Variants in ANKFN1 observed in about 807,000 individuals in gnomAD.
ANKFN1 encodes the protein ankyrin repeat and fibronectin type III domain containing 1, also known as ankyrin repeat and fibronectin type-III domain-containing protein 1.
ANKFN1 carries 74 observed loss-of-function variants against 108.7 expected under a neutral mutation model. That is an observed-to-expected ratio of 0.68 (90% confidence interval 0.56 to 0.83). The LOEUF (loss-of-function observed/expected upper bound fraction) is 0.83, where lower values mean the gene tolerates loss of function less well. ANKFN1 is among the 40% of genes least tolerant of loss of function. The pLI is 0.00. For missense variants in ANKFN1, 1,505 were observed against 1,382.3 expected (o/e 1.09, Z -1.41); for synonymous variants, 547 against 516.2 (o/e 1.06, Z -0.81).
intron 3 of ANKFN1, among the ~76,000 whole-genome samples, chr17:56,301,948 C>A (rs1235379576): frequency 6.6e-6 from 1 of 152,206 alleles, no homozygotes; most frequent in Non-Finnish European, 1.5e-5. Flanking sequence ...GATCAGAAAT[C>A]TACCACTCTT....
intron 3 of ANKFN1, among the ~76,000 whole-genome samples, chr17:56,324,940 CA>C (rs2045474147): frequency 1.3e-5 from 2 of 152,144 alleles, no homozygotes; most frequent in African/African-American, 2.4e-5. Flanking sequence ...AGCGAGCTAT[CA>C]GGGGGAGATA....
intron 4 of ANKFN1, among the ~76,000 whole-genome samples, chr17:56,338,525 C>T (rs980589501): frequency 6.6e-6 from 1 of 152,008 alleles, no homozygotes; most frequent in Non-Finnish European, 1.5e-5. Context: ...TAATAAGGAA[C>T]GCTCTCTTAA....
intron 1 of ANKFN1, among the ~76,000 whole-genome samples, chr17:56,192,310 C>G (rs1405720085): frequency 1.5e-5 from 2 of 130,376 alleles, no homozygotes. Flanking sequence ...AGAAGAAAAC[C>G]TAGGCATTAC....
rs1904730673 is a variant in ANKFN1 at position 56,049,147 on chromosome 17, CT to C, written c.288+2825del. On this transcript the variant is annotated intron_variant, in intron 4 of 12. Coordinates refer to the ANKFN1 transcript ENST00000635860. ...TCAAGTGTTCTTTTATTTTCTCCTC[CT>C]TTGTGTCTTATCCATTTGGAGATTA... is the stretch of plus-strand genomic sequence containing the variant. Among the ~76,000 whole-genome samples, 8 of 152,266 alleles carry C rather than the reference CT, an allele frequency of 5.3e-5. No individual in the cohort carries two copies. The South Asian group carries it at 1.7e-3, about 32-fold the overall frequency.
At chr17:56,124,649 G>A (rs942739264) in intron 4 of ANKFN1, among the ~76,000 whole-genome samples, 5 of 152,220 alleles carry the variant, frequency 3.3e-5, no homozygotes, top group East Asian at 1.9e-4. Context: ...TCAGACGCTC[G>A]GAACAACTCT....
chr17:56,111,617 A>T (rs919050226), intron 4 of ANKFN1, among the ~76,000 whole-genome samples: 1 of 151,998 alleles, frequency 6.6e-6, no homozygotes, highest in African/African-American at 2.4e-5. Flanking sequence ...ATACAAACAA[A>T]CCCCCAAAAT....
chr17:56,148,180 C>T (rs1390852009), intron 4 of ANKFN1, among the ~76,000 whole-genome samples: 1 of 152,178 alleles, frequency 6.6e-6, no homozygotes, highest in African/African-American at 2.4e-5. Flanking sequence ...TAGCAGTTAG[C>T]ATTAGAGGAC....
upstream of ANKFN1, among the ~76,000 whole-genome samples, chr17:56,149,516 G>A (rs991656261): frequency 1.3e-5 from 2 of 152,192 alleles, no homozygotes; most frequent in Non-Finnish European, 2.9e-5. Context: ...GGCCAGCATT[G>A]TTTCCTCCTC....
chr17:56,322,624 G>A (rs1476641430), intron 3 of ANKFN1, among the ~76,000 whole-genome samples: 2 of 152,090 alleles, frequency 1.3e-5, no homozygotes, highest in Admixed American at 6.6e-5. Context: ...TAACAGCCCC[G>A]GAACTCTATG....
chr17:56,079,968 G>A (rs556328009), intron 4 of ANKFN1, among the ~76,000 whole-genome samples: 136 of 152,222 alleles, frequency 8.9e-4, no homozygotes, highest in Non-Finnish European at 1.5e-3. Flanking sequence ...TAACTCAGAG[G>A]AAAGGAACAG....
At chr17:56,356,203 A>G (rs1196759430) in intron 6 of ANKFN1, among the ~76,000 whole-genome samples, 1 of 152,106 alleles carries the variant, frequency 6.6e-6, no homozygotes, top group African/African-American at 2.4e-5. Context: ...CACTTTTCTG[A>G]GCACTTTCCA....
rs139704080 is a variant in ANKFN1 at position 56,494,957 on chromosome 17, C to T, written c.2427+2604C>T. Reference sequence around the variant, plus strand: ...CTACTACCCTTGCTCCTTTCTTTTTCATGTAGCCTAGGGCTCCACTGCCTT... The same window carrying T: ...CTACTACCCTTGCTCCTTTCTTTTTTATGTAGCCTAGGGCTCCACTGCCTT... On this transcript the variant is annotated intron_variant, in intron 19 of 20. Transcript: ENST00000682825. 2.0e-5 allele frequency among the ~76,000 whole-genome samples: 3 copies of T among 152,228 alleles called. No individual in the cohort carries two copies. In the East Asian group the frequency reaches 5.8e-4, roughly 29 times the overall value.
chr17:56,404,614 ACT>A (rs1182375982), intron 8 of ANKFN1, among the ~76,000 whole-genome samples: 6 of 151,620 alleles, frequency 4.0e-5, no homozygotes, highest in Admixed American at 1.3e-4. Flanking sequence ...TTCTCTGGTG[ACT>A]CTCCGATTAG....
At chr17:56,136,531 AGG>A (rs1055835015) in intron 4 of ANKFN1, among the ~76,000 whole-genome samples, 16 of 152,214 alleles carry the variant, frequency 1.1e-4, no homozygotes, top group African/African-American at 3.9e-4. Context: ...GAGTGGAAAC[AGG>A]GTTTTTGTCA....
At chr17:56,098,559 C>G (rs1045108290) in intron 4 of ANKFN1, among the ~76,000 whole-genome samples, 1 of 152,168 alleles carries the variant, frequency 6.6e-6, no homozygotes, top group Non-Finnish European at 1.5e-5. Flanking sequence ...ATCTCCTACT[C>G]TATCACGTAA....
intron 6 of ANKFN1, among the ~76,000 whole-genome samples, chr17:56,359,623 T>C (rs529989790): frequency 1.2e-4 from 19 of 152,326 alleles, no homozygotes; most frequent in Admixed American, 6.5e-4. Flanking sequence ...AATTACAGAA[T>C]TGCTGTCATT....
At chr17:56,075,811 T>C (rs562804364) in intron 4 of ANKFN1, among the ~76,000 whole-genome samples, 40 of 152,128 alleles carry the variant, frequency 2.6e-4, no homozygotes, top group Non-Finnish European at 5.1e-4. Flanking sequence ...TCTGCAAGCT[T>C]TCTCAAACAG....
At chr17:56,091,440 A>G (rs1274981476) in intron 4 of ANKFN1, among the ~76,000 whole-genome samples, 1 of 150,326 alleles carries the variant, frequency 6.7e-6, no homozygotes, top group East Asian at 1.9e-4. Context: ...ACACACACAC[A>G]CACACACACA....
At chr17:56,147,026 A>G (rs1908303216) in intron 4 of ANKFN1, among the ~76,000 whole-genome samples, 2 of 152,200 alleles carry the variant, frequency 1.3e-5, no homozygotes, top group Non-Finnish European at 2.9e-5. Context: ...AAAGTTCCAC[A>G]GATCTCTAGG....
Sources: allele counts gnomAD v4.1 joint callset (sites outside exome capture counted in the v4.1 genomes callset), GRCh38; gene constraint gnomAD v4.1.1; transcripts MANE v1.5; gene names NCBI Gene and HGNC (gene_info 2026-07-23, HGNC 2026-07-21).